NELL2: variants seen among roughly 807,000 people sequenced by gnomAD.
The protein encoded by NELL2 is neural EGFL like 2.
NELL2 carries 41 observed loss-of-function variants against 109.6 expected under a neutral mutation model. The ratio of observed to expected loss-of-function variants is 0.37; its 90% confidence interval spans 0.29 to 0.49. The LOEUF (loss-of-function observed/expected upper bound fraction) is 0.49, where lower values mean the gene tolerates loss of function less well. Ranked by LOEUF, NELL2 falls within the 20% of genes least tolerant of loss-of-function variation. The pLI, the probability that NELL2 is intolerant of heterozygous loss-of-function variation, is 0.98. For synonymous variants in NELL2, 355 were observed against 344.7 expected (o/e 1.03, Z -0.33); for missense variants, 900 against 1,008.3 (o/e 0.89, Z 1.45).
chr12:44,815,193 T>TC (rs752314495), intron 3 of NELL2, among the ~76,000 whole-genome samples: 2 of 151,928 alleles, frequency 1.3e-5, no homozygotes, highest in East Asian at 3.9e-4. Flanking sequence ...CTTCCTCCTT[T>TC]CCCCCCATCC....
At chr12:44,729,040 AC>A (rs1472744017) in intron 9 of NELL2, among the ~76,000 whole-genome samples, 1 of 152,182 alleles carries the variant, frequency 6.6e-6, no homozygotes, top group Non-Finnish European at 1.5e-5. Flanking sequence ...ATATAAAAGT[AC>A]TTTTTAACTG....
intron 12 of NELL2, among the ~76,000 whole-genome samples, chr12:44,698,980 T>A (rs539523791): frequency 6.6e-6 from 1 of 152,130 alleles, no homozygotes; most frequent in Non-Finnish European, 1.5e-5. Flanking sequence ...AGCCACCATC[T>A]AAAATAGAAT....
At position 44,635,667 on chromosome 12, in the gene NELL2, T is replaced by C. The variant is rs377109998; in HGVS notation, c.1445-24697A>G. On this transcript the variant is annotated intron_variant, in intron 13 of 19. Transcript: ENST00000429094. ...TACATCTGTTTTGGTACCAGTACCA[T>C]GCTGTTTTGGTTACAGTAGACTTGT... is the stretch of plus-strand genomic sequence containing the variant. 5.9e-5 allele frequency among the ~76,000 whole-genome samples: 9 copies of C among 152,216 alleles called. No homozygotes were observed. The East Asian group carries it at 1.7e-3, about 29-fold the overall frequency.
intron 3 of NELL2, among the ~76,000 whole-genome samples, chr12:44,782,150 A>T (rs144617462): frequency 0.011 from 1,725 of 152,064 alleles, 134 homozygotes; most frequent in Admixed American, 0.1. Context: ...AAGAAACATA[A>T]AGACAGCTAA....
At chr12:44,518,752 A>T (rs566106984) in intron 19 of NELL2, among the ~76,000 whole-genome samples, 1 of 152,344 alleles carries the variant, frequency 6.6e-6, no homozygotes, top group African/African-American at 2.4e-5. Flanking sequence ...TAATTAAATG[A>T]CAGAAAGTAT....
intron 9 of NELL2, among the ~76,000 whole-genome samples, chr12:44,743,250 C>G (rs905545719): frequency 6.6e-6 from 1 of 152,144 alleles, no homozygotes; most frequent in East Asian, 1.9e-4. Context: ...CAAGCAAATG[C>G]TGAGAGATTT....
At position 44,617,565 on chromosome 12, in the gene NELL2, G is replaced by A. The variant is rs951985337; in HGVS notation, c.1445-6595C>T. Among the ~76,000 whole-genome samples, 6 of 133,882 alleles carry A rather than the reference G, an allele frequency of 4.5e-5. No homozygotes were observed. The South Asian group carries it at 6.5e-4, about 14-fold the overall frequency. 87.8% of individuals were successfully genotyped at this position (133,882 alleles called of 152,430 possible). A position where few individuals can be genotyped will look rare whatever the true frequency, so the allele number is the denominator to read the frequency against. ...AAATTAGCCGGGCGTAGTGGCGGGC[G>A]CCTGTAGTCCCAGCTACTTGGGAGG... On this transcript the variant is annotated intron_variant, in intron 13 of 19. Transcript: ENST00000429094.
intron 8 of NELL2, among the ~76,000 whole-genome samples, chr12:44,775,238 T>C (rs10880684): frequency 6.7e-6 from 1 of 148,808 alleles, no homozygotes; most frequent in Non-Finnish European, 1.5e-5. Flanking sequence ...CACACACACA[T>C]GCATGTGCGT....
At chr12:44,607,032 C>T in intron 15 of NELL2, 137 bp downstream of exon 15, 1 of 657,318 alleles carries the variant, frequency 1.5e-6, no homozygotes, top group Non-Finnish European at 2.4e-6. Context: ...TTCCCACCTC[C>T]TCCCTCCTAT....
rs79694350 is a variant in NELL2, at chr12:44,639,930, C to T, written c.1444+25554G>A. 3.7e-4 allele frequency among the ~76,000 whole-genome samples: 56 copies of T among 152,222 alleles called. No homozygotes were observed. The East Asian group carries it at 0.011, about 29-fold the overall frequency. ...ATGCCACCTTCCCCAATTCACTATG[C>T]ATCAAACCTAAGGCCTCTTTTCAGT... On this transcript the variant is annotated intron_variant, in intron 13 of 19. Transcript: ENST00000429094.
At chr12:44,654,205 C>A (rs1947406512) in intron 13 of NELL2, among the ~76,000 whole-genome samples, 3 of 152,134 alleles carry the variant, frequency 2.0e-5, no homozygotes, top group Admixed American at 6.5e-5. Context: ...TGGACAATAA[C>A]CTTACCATGT....
intron 15 of NELL2, among the ~76,000 whole-genome samples, chr12:44,603,443 GAC>G (rs1415543928): frequency 6.6e-6 from 1 of 152,128 alleles, no homozygotes; most frequent in Non-Finnish European, 1.5e-5. Context: ...TAGATCATCA[GAC>G]ACATATTTGC....
chr12:44,827,850 T>C (rs1943764808), intron 2 of NELL2, among the ~76,000 whole-genome samples: 1 of 152,184 alleles, frequency 6.6e-6, no homozygotes, highest in African/African-American at 2.4e-5. Flanking sequence ...TGCTAGATGT[T>C]ATAGTAGCTC....
At chr12:44,553,757 A>G (rs1161405181) in intron 15 of NELL2, among the ~76,000 whole-genome samples, 1 of 152,188 alleles carries the variant, frequency 6.6e-6, no homozygotes, top group Non-Finnish European at 1.5e-5. Flanking sequence ...GTGTTTTTGA[A>G]AGTAAATCAT....
chr12:44,814,282 G>A (rs1199243550), intron 3 of NELL2, among the ~76,000 whole-genome samples: 3 of 152,250 alleles, frequency 2.0e-5, no homozygotes, highest in South Asian at 2.1e-4. Context: ...CTACAAACAG[G>A]GAAGTGGGAG....
chr12:44,920,076 G>C (rs2136899687), intron 1 of NELL2, among the ~76,000 whole-genome samples: 1 of 152,178 alleles, frequency 6.6e-6, no homozygotes, highest in Admixed American at 6.5e-5. Flanking sequence ...AAGGAAAGAG[G>C]AATAGTCACA....
chr12:44,918,517 ATGTGTGTGTG>A (rs10589306), upstream of NELL2, among the ~76,000 whole-genome samples: 297 of 123,958 alleles, frequency 2.4e-3, 2 homozygotes, highest in African/African-American at 8.2e-3. Flanking sequence ...GCATGCATGT[ATGTGTGTGTG>A]TGTGTGTGTG....
intron 9 of NELL2, among the ~76,000 whole-genome samples, chr12:44,720,449 G>C (rs1938707993): frequency 6.6e-6 from 1 of 152,106 alleles, no homozygotes; most frequent in African/African-American, 2.4e-5. Flanking sequence ...CTTACAGAAG[G>C]AGTCTGCCCT....
intron 15 of NELL2, among the ~76,000 whole-genome samples, chr12:44,582,333 A>G (rs1363984288): frequency 2.6e-5 from 4 of 152,138 alleles, no homozygotes; most frequent in Non-Finnish European, 5.9e-5. Context: ...TCAGGAGCAG[A>G]ATGGAAGCCA....
Sources: gnomAD v4.1 joint callset for allele counts (sites outside exome capture counted in the v4.1 genomes callset) on GRCh38, gnomAD v4.1.1 for gene constraint, MANE v1.5 for transcripts, NCBI Gene and HGNC (gene_info 2026-07-23, HGNC 2026-07-21) for gene names.